Variants in CELSR1 observed in about 807,000 individuals in gnomAD.
The protein encoded by CELSR1 is adhesion G protein-coupled receptor C1.
Under a neutral mutation model 249.1 loss-of-function variants are expected in CELSR1, and 110 were observed. That is an observed-to-expected ratio of 0.44 (90% CI 0.38 to 0.52). The LOEUF (loss-of-function observed/expected upper bound fraction) is 0.52, where lower values mean the gene tolerates loss of function less well. CELSR1 is among the 20% of genes least tolerant of loss of function. The pLI is 0.00. For synonymous variants in CELSR1, 2,113 were observed against 1,900.0 expected (o/e 1.11, Z -2.92); for missense variants, 4,109 against 4,296.4 (o/e 0.96, Z 1.22).
At chr22:46,528,031 G>T (rs1449336400) in intron 1 of CELSR1, among the ~76,000 whole-genome samples, 1 of 151,538 alleles carries the variant, frequency 6.6e-6, no homozygotes, top group African/African-American at 2.4e-5. Flanking sequence ...TTGAACCCGG[G>T]AGGCAGAGGT....
Position 46,500,267 on chromosome 22 carries a change from T to C in CELSR1, c.3544+33360A>G, listed in dbSNP as rs2080453589. Among the ~76,000 whole-genome samples the C allele has an allele frequency of 6.6e-6, 1 of 151,940 alleles. No individual in the cohort carries two copies. The highest frequency in any genetic ancestry group is 2.4e-5 in the African/African-American group (1 of 41,332). On this transcript the variant is annotated intron_variant, in intron 1 of 34. Transcript: ENST00000674500. The surrounding 1 kb of genome is among the most constrained non-coding windows in gnomAD (Gnocchi z 4.9). ...GCAGGACTCAAGGAAGGGACATAAC[T>C]GCGACAAAACCCTGGCGCCCGGTTT... is the stretch of plus-strand genomic sequence containing the variant.
chr22:46,384,223 G>A lies in CELSR1; in HGVS notation c.6883+320C>T, dbSNP rs918213329. On this transcript the variant is annotated intron_variant, in intron 20 of 34. Transcript: ENST00000674500. The stretch of plus-strand genomic sequence containing the variant: ...AGTGCTGGGATTACAGGCGTGAGCC[G>A]CCGCGCCTGGCCTGGATTTTGATTT... Among the ~76,000 whole-genome samples, 18 of 152,252 alleles carry A rather than the reference G, an allele frequency of 1.2e-4. No individual in the cohort carries two copies. The East Asian group carries it at 1.4e-3, about 11-fold the overall frequency.
rs990255634 is a variant in CELSR1 at position 46,512,112 on chromosome 22, G to A, written c.3544+21515C>T. On this transcript the variant is annotated intron_variant, in intron 1 of 34. Transcript: ENST00000674500. This position sits in a 1 kb window ranked among gnomAD's most constrained non-coding sequence, Gnocchi z 5.2. Reference sequence around the variant, plus strand: ...AGCCCAGTGGCCCCCACGCTGCCAGGAGCTCTCAGTGTGGCAAACACAGCA... The same window carrying A: ...AGCCCAGTGGCCCCCACGCTGCCAGAAGCTCTCAGTGTGGCAAACACAGCA... Among the ~76,000 whole-genome samples the A allele has an allele frequency of 6.6e-6, 1 of 152,146 alleles. No homozygotes were observed. The highest frequency in any genetic ancestry group is 2.4e-5 in the African/African-American group (1 of 41,426).
chr22:46,479,796 G>C (rs1240374919), intron 1 of CELSR1, among the ~76,000 whole-genome samples: 2 of 152,186 alleles, frequency 1.3e-5, no homozygotes, highest in Non-Finnish European at 2.9e-5. Flanking sequence ...TGCCGGAGCA[G>C]GAACACTGCA....
Position 46,381,539 on chromosome 22 carries a change from G to A in CELSR1, c.7088+307C>T, listed in dbSNP as rs1222329212. Among the ~76,000 whole-genome samples the A allele has an allele frequency of 6.6e-6, 1 of 152,206 alleles. No homozygotes were observed. Among genetic ancestry groups the A allele is most frequent in the African/African-American group, 2.4e-5 (1 of 41,442 alleles). The stretch of plus-strand genomic sequence containing the variant: ...CATGACAGCCTTGGGCCAGGTGTGT[G>A]GGGACAGAATGGGGTCCCTCTGGGC... On this transcript the variant is annotated intron_variant, in intron 21 of 34. Transcript: ENST00000674500. The surrounding 1 kb of genome is among the most constrained non-coding windows in gnomAD (Gnocchi z 6.0).
At chr22:46,491,171 C>T (rs1053265163) in intron 1 of CELSR1, among the ~76,000 whole-genome samples, 2 of 133,422 alleles carry the variant, frequency 1.5e-5, no homozygotes, top group African/African-American at 6.3e-5. Flanking sequence ...CTGTGACAAC[C>T]GAAACATCTC....
chr22:46,537,204 AC>A lies in CELSR1; in HGVS notation c.-35del. ...GCCCGAGCCCGAGCCGGGCGCCCGA[AC>A]ACAATCCATGCACCCGGCGCGCCTC... On this transcript the variant is annotated 5_prime_UTR_variant, in exon 1 of 35. Transcript: ENST00000674500. The surrounding 1 kb of genome is among the most constrained non-coding windows in gnomAD (Gnocchi z 5.8). The A allele has an allele frequency of 9.9e-7, 1 of 1,014,214 alleles. No individual in the cohort carries two copies. The highest frequency in any genetic ancestry group is 4.5e-5 in the South Asian group (1 of 22,356). 62.8% of individuals were successfully genotyped at this position (1,014,214 alleles called of 1,614,324 possible).
intron 1 of CELSR1, among the ~76,000 whole-genome samples, chr22:46,521,530 G>A (rs927822704): frequency 7.3e-5 from 11 of 149,924 alleles, no homozygotes; most frequent in Admixed American, 1.3e-4. Flanking sequence ...CTTGTTTTCA[G>A]TCAGGCCGGA....
In CELSR1 at chr22:46,427,012, G is replaced by A. The variant is rs944167423; in HGVS notation, c.4611+6381C>T. Among the ~76,000 whole-genome samples, 7 of 152,328 alleles carry A rather than the reference G, an allele frequency of 4.6e-5. No homozygotes were observed. The highest frequency in any genetic ancestry group is 2.0e-4 in the Admixed American group (3 of 15,304). ...TGTGAATGTGCAGAGCAGAGCAAAC[G>A]CAGCAGTGCTCCAGTGAAGTTCATG... On this transcript the variant is annotated intron_variant, in intron 5 of 34. Transcript: ENST00000674500. This position sits in a 1 kb window ranked among gnomAD's most constrained non-coding sequence, Gnocchi z 4.2.
Position 46,381,076 on chromosome 22 carries a change from C to T in CELSR1, c.7089-121G>A. 9.1e-7 allele frequency: 1 copy of T among 1,104,180 alleles called. No individual in the cohort carries two copies. Among genetic ancestry groups the T allele is most frequent in the Non-Finnish European group, 1.3e-6 (1 of 773,598 alleles). 68.4% of individuals were successfully genotyped at this position (1,104,180 alleles called of 1,614,324 possible). A position where few individuals can be genotyped will look rare whatever the true frequency, so the allele number is the denominator to read the frequency against. ...TTTCTAGGGGAGACAGAATCACACT[C>T]CGAGAGCTCGGACCCACGGACCCCA... is the stretch of plus-strand genomic sequence containing the variant. On this transcript the variant is annotated intron_variant, in intron 21 of 34. Transcript: ENST00000674500. This position sits in a 1 kb window ranked among gnomAD's most constrained non-coding sequence, Gnocchi z 6.0.
At chr22:46,378,753 G>T in intron 22 of CELSR1, 36 bp from the exon 23 acceptor site, 3 of 1,596,694 alleles carry the variant, frequency 1.9e-6, no homozygotes, top group Non-Finnish European at 2.6e-6. Context: ...GGGGTAAGAC[G>T]GTTCCCTCTG....
rs1245800163 is a variant in CELSR1, at chr22:46,423,647, A to G, written c.4611+9746T>C. 3.4e-5 allele frequency among the ~76,000 whole-genome samples: 5 copies of G among 149,062 alleles called. No individual in the cohort carries two copies. Among genetic ancestry groups the G allele is most frequent in the African/African-American group, 1.2e-4 (5 of 40,046 alleles). On this transcript the variant is annotated intron_variant, in intron 5 of 34. Coordinates refer to ENST00000674500, the MANE Select transcript of CELSR1 (RefSeq NM_001378328.1). The surrounding 1 kb of genome is among the most constrained non-coding windows in gnomAD (Gnocchi z 5.6). ...AAAGACTCCATGCTTTAGGCAGTTT[A>G]TGACCTTGAAAAAGCTATCCGATGA... is the stretch of plus-strand genomic sequence containing the variant.
At chr22:46,502,260 C>A (rs2080472870) in intron 1 of CELSR1, among the ~76,000 whole-genome samples, 1 of 122,714 alleles carries the variant, frequency 8.1e-6, no homozygotes, top group Admixed American at 9.5e-5. Context: ...GAGACCTCAT[C>A]TCAAGAAAAG....
chr22:46,498,473 G>A (rs534328272), intron 1 of CELSR1, among the ~76,000 whole-genome samples: 1 of 151,562 alleles, frequency 6.6e-6, no homozygotes, highest in Admixed American at 6.6e-5. Context: ...TTAGCCGGGC[G>A]TGGTGGCAGG....
In CELSR1 at chr22:46,534,062, G is replaced by C; in HGVS notation, c.3109C>G (p.Gln1037Glu). 12 of 1,613,758 alleles carry C rather than the reference G, an allele frequency of 7.4e-6. No individual in the cohort carries two copies. The highest frequency in any genetic ancestry group is 1.0e-5 in the Non-Finnish European group (12 of 1,180,034). The change falls in exon 1 of 35, where the codon CAG (glutamine) becomes GAG (glutamate). Residue 1037 changes from glutamine to glutamate, a missense_variant. Gln to Glu is a conservative substitution (Grantham distance 29). Transcript: ENST00000674500. This position sits in a 1 kb window ranked among gnomAD's most constrained non-coding sequence, Gnocchi z 9.7. The stretch of plus-strand genomic sequence containing the variant: ...TGCCGCATGTCCCCTTCCACAATCT[G>C]ATACATGATCTGGGCATTAGGGCCT... The part of the protein sequence containing the change: ...DEGPNAQIMY[Q>E]IVEGDMRHFF...
chr22:46,385,609 C>T (rs2079023383), intron 19 of CELSR1, among the ~76,000 whole-genome samples: 1 of 151,954 alleles, frequency 6.6e-6, no homozygotes, highest in South Asian at 2.1e-4. Flanking sequence ...ACGGGTACGT[C>T]ATCACAGACT....
chr22:46,525,801 A>G (rs2147802969), intron 1 of CELSR1, among the ~76,000 whole-genome samples: 1 of 152,340 alleles, frequency 6.6e-6, no homozygotes, highest in Middle Eastern at 3.4e-3. Context: ...AGGTTCTGCT[A>G]TCGGGTTTCA....
At chr22:46,426,259 TG>T (rs1324054010) in intron 5 of CELSR1, among the ~76,000 whole-genome samples, 9 of 151,214 alleles carry the variant, frequency 6.0e-5, no homozygotes, top group African/African-American at 1.7e-4. Flanking sequence ...GGTTTCTAAC[TG>T]GTAAAGAGTT....
chr22:46,524,559 T>TGC (rs1555937950), intron 1 of CELSR1, among the ~76,000 whole-genome samples: 30 of 122,836 alleles, frequency 2.4e-4, no homozygotes, highest in Non-Finnish European at 5.1e-4. Flanking sequence ...TGTGTGTGTG[T>TGC]GTGTGTGTGT....
Sources: allele counts gnomAD v4.1 joint callset (sites outside exome capture counted in the v4.1 genomes callset), GRCh38; gene constraint gnomAD v4.1.1; non-coding constraint Gnocchi (gnomAD v3.1); transcripts MANE v1.5; gene names NCBI Gene and HGNC (gene_info 2026-07-23, HGNC 2026-07-21).